Variants in TJAP1 observed in about 807,000 individuals in gnomAD.
TJAP1 encodes the protein tight junction-associated protein 1.
A neutral mutation model predicts 42.0 loss-of-function variants in TJAP1; 27 were observed. The ratio of observed to expected loss-of-function variants is 0.64; its 90% CI spans 0.47 to 0.89. The LOEUF (loss-of-function observed/expected upper bound fraction) is 0.89. TJAP1 is among the 40% of genes least tolerant of loss of function. The probability of loss-of-function intolerance (pLI) is 0.00; values close to 1 mark genes in which losing one functional copy is unlikely to be tolerated. For synonymous variants in TJAP1, 257 were observed against 288.4 expected (o/e 0.89, Z 1.10); for missense variants, 712 against 726.9 (o/e 0.98, Z 0.24).
intron 10 of TJAP1, chr6:43,504,519 G>A (rs1230278353): frequency 3.5e-6 from 2 of 571,122 alleles, no homozygotes; most frequent in East Asian, 5.9e-5. Context: ...CATGCTGGCT[G>A]CAGCAGCAGA....
At chr6:43,504,849 C>T (rs1326801133) in exon 11 of TJAP1, 2 of 1,614,112 alleles carry the variant, frequency 1.2e-6, no homozygotes, top group South Asian at 1.1e-5. Flanking sequence ...AGCCTAGCCC[C>T]AGGGGCTGTG....
At chr6:43,499,014 G>C in exon 4 of TJAP1, 1 of 1,613,888 alleles carries the variant, frequency 6.2e-7, no homozygotes, top group Non-Finnish European at 8.5e-7. Flanking sequence ...GACTAGTGCC[G>C]CCCCTGCTAA....
exon 6 of TJAP1, chr6:43,501,584 A>C: frequency 1.2e-6 from 2 of 1,614,100 alleles, no homozygotes; most frequent in Non-Finnish European, 1.7e-6. Flanking sequence ...CACCAGACGC[A>C]CTGAGGCCCT....
intron 10 of TJAP1, chr6:43,503,915 C>T: frequency 1.4e-6 from 1 of 708,662 alleles, no homozygotes; most frequent in Admixed American, 2.0e-5. Flanking sequence ...GGGGGGCCAG[C>T]CCTGTTGGTT....
chr6:43,505,764 C>T lies in TJAP1; in HGVS notation c.1583C>T (p.Pro528Leu), dbSNP rs1792238237. 6.6e-7 allele frequency: 1 copy of T among 1,516,022 alleles called. No homozygotes were observed. Among genetic ancestry groups the T allele is most frequent in the African/African-American group, 1.4e-5 (1 of 71,638 alleles). The allele number at this position is 1,516,022 out of a possible 1,614,324, so 93.9% of individuals were successfully genotyped here. A position where few individuals can be genotyped will look rare whatever the true frequency, so the allele number is the denominator to read the frequency against. ...TGGCCACTCCCCAGCTCCAGTCGCC[C>T]CCAGCGCAGCCCCAAGAGGATGGGG... Residue 528 changes from proline to leucine, a missense_variant, in exon 11 of 11, where the codon CCC becomes CTC. Coordinates refer to ENST00000372449, the Ensembl canonical transcript of TJAP1. The surrounding 1 kb of genome is among the most constrained non-coding windows in gnomAD (Gnocchi z 5.5).
At chr6:43,503,301 A>T in intron 8 of TJAP1, 100 bp from the exon 9 acceptor site, 2 of 867,784 alleles carry the variant, frequency 2.3e-6, no homozygotes, top group Admixed American at 2.0e-5. Flanking sequence ...TGGCTGCCCT[A>T]GCACCTGTGG....
intron 2 of TJAP1, among the ~76,000 whole-genome samples, chr6:43,496,511 G>A (rs1789198339): frequency 6.6e-6 from 1 of 152,242 alleles, no homozygotes; most frequent in Admixed American, 6.5e-5. Context: ...TCCTGTCAGG[G>A]GGAGGAGGCT....
chr6:43,503,616 T>G lies in TJAP1; in HGVS notation c.496-7T>G, dbSNP rs374994753. 6.2e-7 allele frequency: 1 copy of G among 1,613,984 alleles called. No individual in the cohort carries two copies. The highest frequency in any genetic ancestry group is 8.5e-7 in the Non-Finnish European group (1 of 1,179,884). On this transcript the variant is annotated splice_region_variant and splice_polypyrimidine_tract_variant and intron_variant, in intron 9 of 10. Coordinates refer to ENST00000372449, the Ensembl canonical transcript of TJAP1. ...GGCTGGGCTCTGAAACAGGTCTGTGTCTGTAGGAGCGGTACCGGCTGGACT... is the reference window on the plus strand; with the variant it reads ...GGCTGGGCTCTGAAACAGGTCTGTGGCTGTAGGAGCGGTACCGGCTGGACT...
At chr6:43,489,114 C>T (rs116469289) in intron 2 of TJAP1, among the ~76,000 whole-genome samples, 3,400 of 152,286 alleles carry the variant, frequency 0.022, 123 homozygotes, top group African/African-American at 0.077. Context: ...CCTGTCCTCC[C>T]GCCCCAGGGG....
chr6:43,502,545 TC>T (rs1016796694), intron 7 of TJAP1, 42 bp from the exon 8 acceptor site: 40 of 1,550,984 alleles, frequency 2.6e-5, no homozygotes, highest in Non-Finnish European at 3.4e-5. Flanking sequence ...TTTCCTCGTC[TC>T]CCCCTCATGC....
At position 43,504,876 on chromosome 6, in the gene TJAP1, T is replaced by C. The variant is rs780339941; in HGVS notation, c.695T>C (p.Ile232Thr). 7.4e-6 allele frequency: 12 copies of C among 1,614,160 alleles called. No individual in the cohort carries two copies. In the Admixed American group the frequency reaches 2.0e-4, roughly 27 times the overall value. ...GGGGCTGTGGTGCCTACCTCAGTCATTGCCCGAGTGTTAGAGAAGCCGGAG... is the reference window on the plus strand; with the variant it reads ...GGGGCTGTGGTGCCTACCTCAGTCACTGCCCGAGTGTTAGAGAAGCCGGAG... Residue 232 changes from isoleucine (I) to threonine (T), a missense_variant, in exon 11 of 11, where the codon ATT (isoleucine) becomes ACT (threonine). Transcript: ENST00000372449.
In TJAP1 at chr6:43,505,441, C is replaced by T; in HGVS notation, c.1260C>T (p.Asp420=). ...TCAGCTGGCAGCGGGCATTTGTGGA[C>T]CGTACTCCACCACCTGCTGCTGTGG... Residue 420 remains aspartate, a synonymous_variant, in exon 11 of 11, where the codon GAC becomes GAT. Transcript: ENST00000372449. The surrounding 1 kb of genome is among the most constrained non-coding windows in gnomAD (Gnocchi z 5.5). 6.2e-7 allele frequency: 1 copy of T among 1,613,166 alleles called. No individual in the cohort carries two copies.
intron 2 of TJAP1, among the ~76,000 whole-genome samples, chr6:43,488,014 C>T (rs1351942442): frequency 1.3e-5 from 2 of 152,014 alleles, no homozygotes; most frequent in South Asian, 2.1e-4. Context: ...GGATTATAGG[C>T]GCCAGCCAAC....
At chr6:43,486,715 G>A (rs910626441) in intron 2 of TJAP1, among the ~76,000 whole-genome samples, 1 of 152,090 alleles carries the variant, frequency 6.6e-6, no homozygotes, top group South Asian at 2.1e-4. Context: ...GCTGCTGGCT[G>A]CTCCTTTGTA....
chr6:43,499,191 C>A, intron 4 of TJAP1, 91 bp downstream of exon 4: 1 of 1,559,324 alleles, frequency 6.4e-7, no homozygotes, highest in South Asian at 1.2e-5. Context: ...AGCTTCTGGT[C>A]CTGAGTTGGG....
intron 6 of TJAP1, among the ~76,000 whole-genome samples, chr6:43,502,047 G>GACACACACACACACAC (rs563635573): frequency 1.3e-4 from 3 of 22,236 alleles, no homozygotes; most frequent in African/African-American, 7.3e-4. Context: ...GGAATGCGGG[G>GACACACACACACACAC]ACACACACAC....
At chr6:43,480,001 A>G (rs112632828) in intron 2 of TJAP1, among the ~76,000 whole-genome samples, 2,782 of 152,260 alleles carry the variant, frequency 0.018, 34 homozygotes, top group South Asian at 0.039. Context: ...AAAAAAAAAA[A>G]GTCTGTTTGA....
At chr6:43,501,822 A>G in intron 6 of TJAP1, 135 bp downstream of exon 6, 2 of 534,802 alleles carry the variant, frequency 3.7e-6, no homozygotes, top group Non-Finnish European at 7.0e-6. Flanking sequence ...GTTAGCTGGA[A>G]GATGCCTTAG....
chr6:43,486,354 C>CTTTTTT (rs1160469279), intron 2 of TJAP1, among the ~76,000 whole-genome samples: 2 of 110,772 alleles, frequency 1.8e-5, no homozygotes, highest in Non-Finnish European at 1.9e-5. Context: ...TTTCCAGTAG[C>CTTTTTT]TTTTTTTTTT....
Sources: allele counts gnomAD v4.1 joint callset (sites outside exome capture counted in the v4.1 genomes callset), GRCh38; gene constraint gnomAD v4.1.1; non-coding constraint Gnocchi (gnomAD v3.1); transcripts MANE v1.5; gene names NCBI Gene and HGNC (gene_info 2026-07-23, HGNC 2026-07-21).